Variants in TMEM132C observed in about 807,000 individuals in gnomAD.
The protein encoded by TMEM132C is protein phosphatase 1, regulatory subunit 152.
In TMEM132C, 29 loss-of-function variants were observed where a neutral mutation model predicts 61.4. The observed-to-expected ratio is 0.47, with a 90% CI of 0.35 to 0.64. TMEM132C has a LOEUF of 0.64. TMEM132C is among the 30% of genes least tolerant of loss of function. The pLI is 0.00. For missense variants in TMEM132C, 1,408 were observed against 1,476.9 expected, an observed-to-expected ratio of 0.95 and a Z score of 0.76; for synonymous variants, 656 against 633.1, an observed-to-expected ratio of 1.04 and a Z score of -0.54.
chr12:128,595,837 C>T (rs1469280257), intron 3 of TMEM132C, among the ~76,000 whole-genome samples: 3 of 152,190 alleles, frequency 2.0e-5, no homozygotes, highest in Non-Finnish European at 2.9e-5. Context: ...AGGAATCAGC[C>T]GCTTCAGCTT....
intron 4 of TMEM132C, among the ~76,000 whole-genome samples, chr12:128,666,930 C>T (rs1447272261): frequency 6.6e-6 from 1 of 152,120 alleles, no homozygotes; most frequent in Non-Finnish European, 1.5e-5. Context: ...ATTAGCCGGG[C>T]GTGGTGGCCG....
intron 2 of TMEM132C, among the ~76,000 whole-genome samples, chr12:128,457,826 T>C (rs2136064948): frequency 6.6e-6 from 1 of 152,176 alleles, no homozygotes. Flanking sequence ...CTAATTTTCA[T>C]ATTCAACTGA....
intron 1 of TMEM132C, among the ~76,000 whole-genome samples, chr12:128,374,917 T>C (rs1281684687): frequency 1.5e-4 from 2 of 13,742 alleles, no homozygotes; most frequent in Non-Finnish European, 4.7e-4. Flanking sequence ...TCCGTCTGTC[T>C]CAAAAAAAAA....
chr12:128,507,745 C>G lies in TMEM132C; in HGVS notation c.975-36212C>G, dbSNP rs892088279. Among the ~76,000 whole-genome samples, 7 of 152,184 alleles carry G rather than the reference C, an allele frequency of 4.6e-5. No homozygotes were observed. In the East Asian group the frequency reaches 1.3e-3, roughly 29 times the overall value. On this transcript the variant is annotated intron_variant, in intron 2 of 8. Transcript: ENST00000435159. The stretch of plus-strand genomic sequence containing the variant: ...ATTTTTGATGAAGTGAGCAAACTCT[C>G]CCAGAAGCATGTTTTGAAGGAGAAA...
chr12:128,529,439 A>G (rs2136134212), intron 2 of TMEM132C, among the ~76,000 whole-genome samples: 1 of 152,320 alleles, frequency 6.6e-6, no homozygotes, highest in Non-Finnish European at 1.5e-5. Context: ...TTCAAAAAAT[A>G]CCAATTTCAT....
At chr12:128,468,629 TAAAC>T (rs973586615) in intron 2 of TMEM132C, among the ~76,000 whole-genome samples, 5 of 152,108 alleles carry the variant, frequency 3.3e-5, no homozygotes, top group East Asian at 1.9e-4. Flanking sequence ...AAATTTACTC[TAAAC>T]AAACAAACAA....
intron 1 of TMEM132C, among the ~76,000 whole-genome samples, chr12:128,291,012 A>ACTCC (rs1871230838): frequency 6.6e-6 from 1 of 152,186 alleles, no homozygotes; most frequent in Non-Finnish European, 1.5e-5. Flanking sequence ...TTCCACAATG[A>ACTCC]AAGCCACTGA....
Position 128,696,084 on chromosome 12 carries a change from T to A in TMEM132C, c.1910T>A (p.Val637Asp). The A allele has an allele frequency of 6.4e-7, 1 of 1,551,444 alleles. No homozygotes were observed. Among genetic ancestry groups the A allele is most frequent in the South Asian group, 1.2e-5 (1 of 84,016 alleles). Residue 637 changes from valine to aspartate, a missense_variant, in exon 7 of 9, where the codon GTT (valine) becomes GAT (aspartate). Physicochemically the swap from Val to Asp is radical, Grantham distance 152. Coordinates refer to ENST00000435159, the MANE Select transcript of TMEM132C (RefSeq NM_001136103.3). ...AGCCGGGTCCTGGTTGGGCGAGAGGTTGGGATGACGACCATCCAGGTAGGA... is the reference window on the plus strand; with the variant it reads ...AGCCGGGTCCTGGTTGGGCGAGAGGATGGGATGACGACCATCCAGGTAGGA... Reference protein sequence around the residue: ...QDSRVLVGREVGMTTIQVLSP... With the variant: ...QDSRVLVGREDGMTTIQVLSP...
At chr12:128,585,664 C>T (rs891892629) in intron 3 of TMEM132C, among the ~76,000 whole-genome samples, 2 of 152,174 alleles carry the variant, frequency 1.3e-5, no homozygotes, top group African/African-American at 2.4e-5. Flanking sequence ...TAAGAAATAC[C>T]GCAAAGTCAA....
rs548836749 is a variant in TMEM132C at position 128,574,524 on chromosome 12, TTGAC to T, written c.1121+30425_1121+30428del. 1.1e-3 allele frequency among the ~76,000 whole-genome samples: 162 copies of T among 152,326 alleles called. 1 individual carries two copies. The highest frequency in any genetic ancestry group is 3.7e-3 in the African/African-American group (153 of 41,570). ...GGCGGCACTGCTGCCCCACCTGAAT[TTGAC>T]TGATCTGAAGCCCTTGCTCCTAGGC... On this transcript the variant is annotated intron_variant, in intron 3 of 8. Transcript: ENST00000435159.
chr12:128,537,259 C>A (rs972689043), intron 2 of TMEM132C, among the ~76,000 whole-genome samples: 1 of 152,176 alleles, frequency 6.6e-6, no homozygotes, highest in Non-Finnish European at 1.5e-5. Flanking sequence ...AGGAAGGAAC[C>A]CTTTTGTCAA....
At chr12:128,456,180 C>G (rs1870332999) in intron 2 of TMEM132C, among the ~76,000 whole-genome samples, 1 of 151,914 alleles carries the variant, frequency 6.6e-6, no homozygotes, top group Non-Finnish European at 1.5e-5. Flanking sequence ...GGAACCAACT[C>G]TCTTAGTTTC....
intron 1 of TMEM132C, among the ~76,000 whole-genome samples, chr12:128,319,723 G>T (rs1011077329): frequency 8.6e-5 from 13 of 152,036 alleles, no homozygotes; most frequent in Non-Finnish European, 1.6e-4. Flanking sequence ...CTGCTCGGGA[G>T]GCTGAGGCAG....
At chr12:128,427,739 G>A (rs1869244384) in intron 2 of TMEM132C, among the ~76,000 whole-genome samples, 1 of 152,166 alleles carries the variant, frequency 6.6e-6, no homozygotes, top group South Asian at 2.1e-4. Context: ...CCCCCAGCTT[G>A]TGGCTCTCAC....
chr12:128,290,473 T>C (rs1360480133), intron 1 of TMEM132C, among the ~76,000 whole-genome samples: 4 of 151,400 alleles, frequency 2.6e-5, no homozygotes, highest in Admixed American at 1.3e-4. Flanking sequence ...TCCCTTGACA[T>C]GTGGAGATTT....
intron 2 of TMEM132C, among the ~76,000 whole-genome samples, chr12:128,465,574 G>A (rs930112315): frequency 1.3e-4 from 20 of 152,162 alleles, no homozygotes; most frequent in Admixed American, 3.3e-4. Flanking sequence ...ACAGCCAGGC[G>A]TCCACCCAGG....
intron 3 of TMEM132C, among the ~76,000 whole-genome samples, chr12:128,558,952 T>C (rs1874418478): frequency 6.6e-6 from 1 of 152,210 alleles, no homozygotes; most frequent in Non-Finnish European, 1.5e-5. Context: ...ATGTAATACA[T>C]TTACATAGTT....
intron 1 of TMEM132C, among the ~76,000 whole-genome samples, chr12:128,410,499 T>A (rs1868499274): frequency 6.6e-6 from 1 of 151,904 alleles, no homozygotes; most frequent in African/African-American, 2.4e-5. Context: ...ACCTCCAGGG[T>A]TCAAGTGATT....
At chr12:128,428,705 A>G (rs1304470431) in intron 2 of TMEM132C, among the ~76,000 whole-genome samples, 8 of 152,194 alleles carry the variant, frequency 5.3e-5, no homozygotes, top group Non-Finnish European at 1.0e-4. Flanking sequence ...GTAGATGCCC[A>G]CACCTATGGC....
Sources: gnomAD v4.1 joint callset for allele counts (sites outside exome capture counted in the v4.1 genomes callset) on GRCh38, gnomAD v4.1.1 for gene constraint, MANE v1.5 for transcripts, NCBI Gene and HGNC (gene_info 2026-07-23, HGNC 2026-07-21) for gene names.